The following GRAMD4 variants were observed in gnomAD, a reference collection of about 807,000 sequenced individuals.
GRAMD4 encodes GRAM domain containing 4.
Under a neutral mutation model 83.9 loss-of-function variants are expected in GRAMD4, and 25 were observed. The ratio of observed to expected loss-of-function variants is 0.30; its 90% CI spans 0.22 to 0.42. The LOEUF (loss-of-function observed/expected upper bound fraction) is 0.42, where lower values mean the gene tolerates loss of function less well. GRAMD4 is among the 10% of genes least tolerant of loss of function. The pLI is 1.00. For synonymous variants in GRAMD4, 336 were observed against 320.9 expected, an observed-to-expected ratio of 1.05 and a Z score of -0.50; for missense variants, 593 against 788.7, an observed-to-expected ratio of 0.75 and a Z score of 2.97.
chr22:46,658,491 A>G (rs891457828), intron 4 of GRAMD4, among the ~76,000 whole-genome samples, 184 bp downstream of exon 4: 3 of 151,976 alleles, frequency 2.0e-5, no homozygotes, highest in African/African-American at 7.3e-5. Flanking sequence ...CTGTGCCTGC[A>G]TGAGCTGTGG....
intron 1 of GRAMD4, chr22:46,587,965 T>G: frequency 1.0e-6 from 1 of 984,760 alleles, no homozygotes. Flanking sequence ...GGCCTGAGGG[T>G]CCAGGGGGCC....
At chr22:46,643,197 A>C (rs1388119809) in intron 3 of GRAMD4, among the ~76,000 whole-genome samples, 20 of 99,804 alleles carry the variant, frequency 2.0e-4, no homozygotes, top group East Asian at 8.2e-4. Context: ...CCATCCATCC[A>C]TCCATCTATC....
chr22:46,579,037 G>A (rs1276831274), intron 1 of GRAMD4, among the ~76,000 whole-genome samples: 1 of 152,234 alleles, frequency 6.6e-6, no homozygotes, highest in African/African-American at 2.4e-5. Context: ...CGTGGAGTGC[G>A]GCTGTCCCAG....
intron 14 of GRAMD4, 70 bp downstream of exon 14, chr22:46,673,067 A>G (rs2147407139): frequency 7.8e-7 from 1 of 1,281,598 alleles, no homozygotes; most frequent in Admixed American, 2.4e-5. Context: ...CCAGGCCCAC[A>G]GTGCTCTGTT....
intron 1 of GRAMD4, among the ~76,000 whole-genome samples, chr22:46,611,283 G>C (rs1036097887): frequency 6.6e-6 from 1 of 152,024 alleles, no homozygotes; most frequent in African/African-American, 2.4e-5. Context: ...CCCCATTCAG[G>C]CTTCTAGGCA....
intron 1 of GRAMD4, among the ~76,000 whole-genome samples, chr22:46,625,409 G>T (rs1446274083): frequency 1.3e-5 from 2 of 152,246 alleles, no homozygotes; most frequent in Non-Finnish European, 2.9e-5. Context: ...TGCTCTCAGT[G>T]CTTCCTTGCC....
At chr22:46,627,220 C>T (rs377713620) in intron 2 of GRAMD4, among the ~76,000 whole-genome samples, 2 of 152,248 alleles carry the variant, frequency 1.3e-5, no homozygotes, top group African/African-American at 4.8e-5. Context: ...GGGTGGGTGG[C>T]AGACTTCTCA....
chr22:46,673,084 C>G, intron 14 of GRAMD4, 87 bp downstream of exon 14: 2 of 1,099,586 alleles, frequency 1.8e-6, no homozygotes, highest in Admixed American at 2.9e-5. Context: ...TGTTCACCTC[C>G]GGCTCATTTA....
At chr22:46,662,476 C>T (rs2082342533) in intron 5 of GRAMD4, among the ~76,000 whole-genome samples, 1 of 152,240 alleles carries the variant, frequency 6.6e-6, no homozygotes, top group Admixed American at 6.5e-5. Context: ...CAGAGGTGTT[C>T]GCTTTTGGTA....
At chr22:46,640,653 T>C (rs996485347) in intron 3 of GRAMD4, among the ~76,000 whole-genome samples, 8 of 152,158 alleles carry the variant, frequency 5.3e-5, no homozygotes, top group African/African-American at 1.9e-4. Context: ...AGCACGGGGA[T>C]TATTTTTTAA....
chr22:46,634,490 G>A (rs747914765), intron 2 of GRAMD4, among the ~76,000 whole-genome samples: 2 of 152,226 alleles, frequency 1.3e-5, no homozygotes, highest in East Asian at 1.9e-4. Context: ...AAGGGTGGGC[G>A]AATGGCGGGA....
Position 46,652,659 on chromosome 22 carries a change from G to A in GRAMD4, c.284-5528G>A, listed in dbSNP as rs189087593. Among the ~76,000 whole-genome samples, 165 of 152,316 alleles carry A rather than the reference G, an allele frequency of 1.1e-3. 1 individual carries two copies. The highest frequency in any genetic ancestry group is 3.7e-3 in the African/African-American group (153 of 41,566). On this transcript the variant is annotated intron_variant, in intron 3 of 18. Transcript: ENST00000406902. ...CGTCCTCAGTGTCTGTGAGCAGCTC[G>A]GGGCACAAGGAGGCCCACTCCGGAG...
At position 46,661,424 on chromosome 22, in the gene GRAMD4, C is replaced by G; in HGVS notation, c.448C>G (p.Gln150Glu). 1 of 1,611,294 alleles carries G rather than the reference C, an allele frequency of 6.2e-7. No individual in the cohort carries two copies. Among genetic ancestry groups the G allele is most frequent in the Non-Finnish European group, 8.5e-7 (1 of 1,179,556 alleles). ...MAQQPPKGQA[Q>E]ASNGAERRSQ... is the part of the protein sequence containing the mutation. ...TCAGCAGCCCCCAAAAGGGCAGGCC[C>G]AGGCCAGCAATGGAGCAGGTACACC... The change falls in exon 5 of 19, where the codon CAG (glutamine) becomes GAG (glutamate). Residue 150 changes from glutamine (Q) to glutamate (E), a missense_variant. Gln to Glu is a conservative substitution (Grantham distance 29). This residue lies in a region of GRAMD4 where 312 missense variants were observed against 350.7 expected (regional missense o/e 0.89). Transcript: ENST00000406902.
intron 3 of GRAMD4, among the ~76,000 whole-genome samples, chr22:46,643,770 G>A (rs905795943): frequency 6.6e-6 from 1 of 152,108 alleles, no homozygotes; most frequent in African/African-American, 2.4e-5. Context: ...GATTATGTCC[G>A]GGTGCCACAG....
upstream of GRAMD4, among the ~76,000 whole-genome samples, chr22:46,615,764 T>A (rs147827039): frequency 0.41 from 804 of 1,984 alleles, 359 homozygotes; most frequent in East Asian, 0.73. Flanking sequence ...AGGTTCCCCC[T>A]TGTGTAGGTT....
At chr22:46,668,323 A>T (rs1013422916) in intron 11 of GRAMD4, among the ~76,000 whole-genome samples, 156 bp downstream of exon 11, 3 of 152,172 alleles carry the variant, frequency 2.0e-5, no homozygotes, top group African/African-American at 7.2e-5. Context: ...GTCCGCGGTC[A>T]GCTGACTTGT....
At chr22:46,589,155 G>A in intron 1 of GRAMD4, among the ~76,000 whole-genome samples, 1 of 151,854 alleles carries the variant, frequency 6.6e-6, no homozygotes, top group East Asian at 1.9e-4. Context: ...TTTCAGAGCT[G>A]GGAGACCCTG....
intron 2 of GRAMD4, among the ~76,000 whole-genome samples, chr22:46,630,529 C>T (rs890295998): frequency 4.6e-5 from 7 of 152,188 alleles, no homozygotes; most frequent in African/African-American, 1.4e-4. Flanking sequence ...CCGTGCCCAC[C>T]GGTAGGGTCT....
At chr22:46,658,855 C>T (rs2082285399) in intron 4 of GRAMD4, among the ~76,000 whole-genome samples, 2 of 151,366 alleles carry the variant, frequency 1.3e-5, no homozygotes, top group South Asian at 4.2e-4. Context: ...GCCAGTGCCG[C>T]CCTGGCTCCT....
Sources: gnomAD v4.1 joint callset for allele counts (sites outside exome capture counted in the v4.1 genomes callset) on GRCh38, gnomAD v4.1.1 for gene constraint, gnomAD v4.1.1 regional missense constraint, MANE v1.5 for transcripts, NCBI Gene and HGNC (gene_info 2026-07-23, HGNC 2026-07-21) for gene names.